The following VPS13A variants were observed in gnomAD, a reference collection of about 807,000 sequenced individuals.
VPS13A encodes the protein vacuolar protein sorting 13 homolog A, also known as intermembrane lipid transfer protein VPS13A.
Under a neutral mutation model 390.9 loss-of-function variants are expected in VPS13A, and 264 were observed. The ratio of observed to expected loss-of-function variants is 0.68; its 90% CI spans 0.61 to 0.75. The LOEUF (loss-of-function observed/expected upper bound fraction) is 0.75. VPS13A is among the 30% of genes least tolerant of loss of function. The pLI, the probability that VPS13A is intolerant of heterozygous loss-of-function variation, is 0.00. For missense variants in VPS13A, 3,409 were observed against 3,733.9 expected, an observed-to-expected ratio of 0.91 and a Z score of 2.27; for synonymous variants, 1,231 against 1,227.1, an observed-to-expected ratio of 1.00 and a Z score of -0.07.
chr9:77,203,509 A>G (rs1184067144), intron 3 of VPS13A, among the ~76,000 whole-genome samples: 1 of 152,026 alleles, frequency 6.6e-6, no homozygotes, highest in Non-Finnish European at 1.5e-5. Flanking sequence ...GCTTGTCTTG[A>G]ACTCCTGGAC....
intron 19 of VPS13A, among the ~76,000 whole-genome samples, chr9:77,245,712 A>G (rs150314871): frequency 6.6e-6 from 1 of 152,326 alleles, no homozygotes; most frequent in African/African-American, 2.4e-5. Context: ...CTTAAAGATG[A>G]CACAGTTTTG....
At chr9:77,192,852 G>T (rs72740401) in intron 1 of VPS13A, among the ~76,000 whole-genome samples, 1 of 151,848 alleles carries the variant, frequency 6.6e-6, no homozygotes, top group South Asian at 2.1e-4. Flanking sequence ...ATCTTGCAGG[G>T]GTTCTATGAA....
At chr9:77,398,949 T>C (rs1834235319) in intron 68 of VPS13A, among the ~76,000 whole-genome samples, 1 of 128,480 alleles carries the variant, frequency 7.8e-6, no homozygotes, top group African/African-American at 3.0e-5. Flanking sequence ...TTCTCACTCA[T>C]AGGTGGGAAT....
chr9:77,372,223 C>T (rs970669808), intron 67 of VPS13A, among the ~76,000 whole-genome samples: 5 of 151,690 alleles, frequency 3.3e-5, no homozygotes, highest in African/African-American at 1.2e-4. Flanking sequence ...TGAGGAATCG[C>T]CACACTGACT....
At chr9:77,253,065 A>T (rs1232414601) in intron 22 of VPS13A, among the ~76,000 whole-genome samples, 1 of 152,174 alleles carries the variant, frequency 6.6e-6, no homozygotes, top group Non-Finnish European at 1.5e-5. Context: ...GCTGTTTTTT[A>T]TAGCAGTTAC....
intron 39 of VPS13A, among the ~76,000 whole-genome samples, chr9:77,317,306 T>A (rs1261033950): frequency 6.6e-6 from 1 of 151,964 alleles, no homozygotes; most frequent in Non-Finnish European, 1.5e-5. Context: ...CACATCTTTT[T>A]TGGCTTGAAT....
intron 67 of VPS13A, among the ~76,000 whole-genome samples, chr9:77,381,456 A>G (rs1833430917): frequency 6.6e-6 from 1 of 152,216 alleles, no homozygotes; most frequent in Admixed American, 6.5e-5. Context: ...CATGTGATCA[A>G]AACAATGCCA....
At chr9:77,247,723 C>T (rs1055534042) in intron 20 of VPS13A, among the ~76,000 whole-genome samples, 3 of 152,256 alleles carry the variant, frequency 2.0e-5, no homozygotes, top group South Asian at 2.1e-4. Flanking sequence ...TACAGTACTG[C>T]GACCTTGGCT....
chr9:77,347,319 T>A (rs1428502288), intron 52 of VPS13A, among the ~76,000 whole-genome samples: 1 of 152,158 alleles, frequency 6.6e-6, no homozygotes, highest in African/African-American at 2.4e-5. Flanking sequence ...TCCATGAGCA[T>A]GAGATGTGTT....
At chr9:77,243,900 T>C (rs1824651636) in intron 19 of VPS13A, among the ~76,000 whole-genome samples, 1 of 152,192 alleles carries the variant, frequency 6.6e-6, no homozygotes, top group East Asian at 1.9e-4. Context: ...AATTATTAAC[T>C]GTAATGAGGG....
chr9:77,201,521 AATC>A, intron 3 of VPS13A, 114 bp downstream of exon 3: 1 of 986,902 alleles, frequency 1.0e-6, no homozygotes, highest in Non-Finnish European at 1.6e-6. Flanking sequence ...AATTAAAAAT[AATC>A]ATGTGTTTTT....
intron 1 of VPS13A, among the ~76,000 whole-genome samples, chr9:77,181,853 C>T (rs1457446084): frequency 2.0e-5 from 3 of 152,106 alleles, no homozygotes; most frequent in Non-Finnish European, 4.4e-5. Flanking sequence ...TGCTACTGTA[C>T]TGGGTTCAAT....
Position 77,307,945 on chromosome 9 carries a change from T to C in VPS13A, c.3961T>C (p.Phe1321Leu), listed in dbSNP as rs781501141. Residue 1321 changes from phenylalanine (F) to leucine (L), a missense_variant and splice_region_variant, in exon 35 of 72, where the codon TTC becomes CTC. Phe to Leu is a conservative substitution (Grantham distance 22). Transcript: ENST00000360280. ...AGAACAAATCTTTTTTTTTTAACAG[T>C]TCATTCTTAGTCAAGAAGATATAAC... is the stretch of plus-strand genomic sequence containing the variant. ...NVNAQLKPME[F>L]ILSQEDITTI... 3.8e-6 allele frequency: 6 copies of C among 1,582,436 alleles called. No individual in the cohort carries two copies. The highest frequency in any genetic ancestry group is 3.3e-5 in the Admixed American group (2 of 59,880).
intron 7 of VPS13A, chr9:77,211,613 C>G (rs570778540): frequency 4.6e-5 from 7 of 151,690 alleles, no homozygotes; most frequent in Non-Finnish European, 7.4e-5. Flanking sequence ...CCCACTGCAA[C>G]GAAAAAAGAA....
intron 47 of VPS13A, 26 bp from the exon 48 acceptor site, chr9:77,339,490 T>G (rs1210813878): frequency 5.4e-5 from 76 of 1,409,982 alleles, no homozygotes; most frequent in Non-Finnish European, 7.1e-5. Flanking sequence ...TTAAATTTTG[T>G]TTTGTTTTTT....
Position 77,293,407 on chromosome 9 carries a change from G to A in VPS13A, c.3406G>A (p.Gly1136Ser), listed in dbSNP as rs1300880036. 99 of 1,613,044 alleles carry A rather than the reference G, an allele frequency of 6.1e-5. No homozygotes were observed. The highest frequency in any genetic ancestry group is 8.1e-5 in the Non-Finnish European group (96 of 1,179,596). Residue 1136 changes from glycine to serine, a missense_variant, in exon 32 of 72, where the codon GGT becomes AGT. Coordinates refer to ENST00000360280, the MANE Select transcript of VPS13A (RefSeq NM_033305.3). ...GGTTTCTTACATGGATGCAACTGCT[G>A]GTTCTGCATACACAGATATGAATGT... Reference protein sequence around the residue: ...KMVSYMDATAGSAYTDMNVVD... With the variant: ...KMVSYMDATASSAYTDMNVVD...
At chr9:77,191,896 C>T (rs151276838) in intron 1 of VPS13A, among the ~76,000 whole-genome samples, 12 of 152,046 alleles carry the variant, frequency 7.9e-5, no homozygotes, top group African/African-American at 2.2e-4. Flanking sequence ...TCTGTTAGGT[C>T]CATTTGGTGA....
At chr9:77,387,733 A>T (rs913207073) in intron 68 of VPS13A, among the ~76,000 whole-genome samples, 2 of 152,204 alleles carry the variant, frequency 1.3e-5, no homozygotes, top group African/African-American at 4.8e-5. Context: ...CCTTATTTAA[A>T]ATAATCAGTA....
chr9:77,189,832 CT>C (rs1824566614), intron 1 of VPS13A, among the ~76,000 whole-genome samples: 1 of 149,640 alleles, frequency 6.7e-6, no homozygotes. Flanking sequence ...CTGATTAGCT[CT>C]ATTCCTAGGC....
Sources: gnomAD v4.1 joint callset for allele counts (sites outside exome capture counted in the v4.1 genomes callset) on GRCh38, gnomAD v4.1.1 for gene constraint, MANE v1.5 for transcripts, NCBI Gene and HGNC (gene_info 2026-07-23, HGNC 2026-07-21) for gene names.